Variants in COL11A1 observed in about 807,000 individuals in gnomAD.
COL11A1 encodes the protein collagen alpha-1(XI) chain.
A neutral mutation model predicts 265.2 loss-of-function variants in COL11A1; 74 were observed. The observed-to-expected ratio is 0.28, with a 90% CI of 0.23 to 0.34. COL11A1 has a LOEUF of 0.34. COL11A1 is among the 10% of genes least tolerant of loss of function. The pLI is 1.00. For missense variants in COL11A1, 2,165 were observed against 2,263.6 expected (o/e 0.96, Z 0.88); for synonymous variants, 816 against 727.6 (o/e 1.12, Z -1.96).
At chr1:103,074,354 C>A (rs530087906) in intron 4 of COL11A1, among the ~76,000 whole-genome samples, 1 of 152,130 alleles carries the variant, frequency 6.6e-6, no homozygotes, top group Admixed American at 6.6e-5. Context: ...GCCGTTTGTC[C>A]TTCCCAGGAG....
intron 41 of COL11A1, among the ~76,000 whole-genome samples, chr1:102,950,970 A>G (rs1167802167): frequency 6.6e-6 from 1 of 152,104 alleles, no homozygotes; most frequent in East Asian, 1.9e-4. Flanking sequence ...CTTCCTGCTT[A>G]CTTGTGAAGA....
chr1:102,948,791 C>A (rs904037928), intron 41 of COL11A1, among the ~76,000 whole-genome samples: 3 of 151,630 alleles, frequency 2.0e-5, no homozygotes, highest in African/African-American at 7.3e-5. Flanking sequence ...ATAAAATAGT[C>A]AACCACAAGT....
chr1:102,881,655 T>G, intron 65 of COL11A1, 42 bp downstream of exon 65: 2 of 1,449,320 alleles, frequency 1.4e-6, no homozygotes, highest in Non-Finnish European at 1.9e-6. Flanking sequence ...TGTCACTTCT[T>G]GAGTTCGTGA....
chr1:103,097,012 A>G (rs1394614365), intron 1 of COL11A1, among the ~76,000 whole-genome samples: 2 of 152,028 alleles, frequency 1.3e-5, no homozygotes, highest in Non-Finnish European at 2.9e-5. Context: ...TGTGACTTAA[A>G]TGTACTAATT....
chr1:102,914,624 A>C, intron 51 of COL11A1, 80 bp downstream of exon 51: 3 of 1,131,808 alleles, frequency 2.7e-6, no homozygotes, highest in Non-Finnish European at 3.9e-6. Flanking sequence ...CCAGAGTCTC[A>C]GGATTTCAAA....
At chr1:102,937,958 C>T (rs1658321700) in intron 44 of COL11A1, among the ~76,000 whole-genome samples, 1 of 152,220 alleles carries the variant, frequency 6.6e-6, no homozygotes, top group Non-Finnish European at 1.5e-5. Flanking sequence ...AATTTTACAG[C>T]ATGGATCTGG....
intron 49 of COL11A1, among the ~76,000 whole-genome samples, chr1:102,917,528 G>T (rs1204791973): frequency 2.6e-5 from 4 of 151,832 alleles, no homozygotes; most frequent in African/African-American, 9.7e-5. Flanking sequence ...CACAGCAAAA[G>T]AAATAACCAA....
intron 4 of COL11A1, among the ~76,000 whole-genome samples, chr1:103,053,560 A>C (rs1669998688): frequency 5.9e-5 from 9 of 152,168 alleles, no homozygotes; most frequent in Admixed American, 5.9e-4. Flanking sequence ...TTGACAGACA[A>C]ATTCAGTGTG....
At chr1:103,034,495 G>A (rs181747446) in intron 4 of COL11A1, among the ~76,000 whole-genome samples, 1 of 151,836 alleles carries the variant, frequency 6.6e-6, no homozygotes, top group African/African-American at 2.4e-5. Flanking sequence ...ATTTTTCATT[G>A]TATGTTATAC....
chr1:102,981,009 G>A (rs1662982381), intron 31 of COL11A1, among the ~76,000 whole-genome samples: 1 of 152,128 alleles, frequency 6.6e-6, no homozygotes, highest in South Asian at 2.1e-4. Flanking sequence ...CACTTATCAG[G>A]AAGGTAAGAT....
chr1:102,913,418 C>T (rs941378202), intron 53 of COL11A1, among the ~76,000 whole-genome samples: 12 of 152,038 alleles, frequency 7.9e-5, no homozygotes, highest in Non-Finnish European at 1.3e-4. Context: ...TATGATTACA[C>T]TTTTCATTAT....
intron 65 of COL11A1, among the ~76,000 whole-genome samples, chr1:102,880,696 A>T (rs2616000): frequency 0.044 from 6,697 of 152,172 alleles, 235 homozygotes; most frequent in African/African-American, 0.088. Flanking sequence ...TTTGAAAAAA[A>T]AAAGGTTAAG....
intron 7 of COL11A1, among the ~76,000 whole-genome samples, chr1:103,024,666 T>A (rs531686159): frequency 2.4e-4 from 37 of 152,304 alleles, no homozygotes; most frequent in Non-Finnish European, 4.9e-4. Flanking sequence ...ATACTCATTT[T>A]TTTTGAAAAT....
intron 37 of COL11A1, among the ~76,000 whole-genome samples, chr1:102,967,897 A>C (rs543890880): frequency 6.6e-6 from 1 of 152,262 alleles, no homozygotes; most frequent in African/African-American, 2.4e-5. Context: ...ACTTAATTGC[A>C]GAAAGTCTCG....
intron 4 of COL11A1, among the ~76,000 whole-genome samples, chr1:103,064,648 G>A (rs963749434): frequency 1.4e-5 from 2 of 142,532 alleles, no homozygotes; most frequent in African/African-American, 5.2e-5. Context: ...CCTAGGTTGC[G>A]CCACTGCACT....
At chr1:102,954,382 C>T (rs12743365) in intron 41 of COL11A1, among the ~76,000 whole-genome samples, 20,525 of 152,120 alleles carry the variant, frequency 0.13, 1,520 homozygotes, top group Middle Eastern at 0.19. Flanking sequence ...GTTTCATATT[C>T]TGAGGAGCAT....
At chr1:102,921,092 T>C (rs530686672) in intron 48 of COL11A1, among the ~76,000 whole-genome samples, 153 of 152,262 alleles carry the variant, frequency 1.0e-3, no homozygotes, top group African/African-American at 3.4e-3. Flanking sequence ...TGATAAAGGG[T>C]GCACCTATCA....
chr1:102,943,465 A>G (rs2101353576), intron 42 of COL11A1, among the ~76,000 whole-genome samples: 1 of 148,384 alleles, frequency 6.7e-6, no homozygotes, highest in East Asian at 1.9e-4. Context: ...ACACACACAC[A>G]CACACACACA....
At chr1:103,074,062 T>C (rs897851004) in intron 4 of COL11A1, among the ~76,000 whole-genome samples, 1 of 152,084 alleles carries the variant, frequency 6.6e-6, no homozygotes, top group Non-Finnish European at 1.5e-5. Context: ...AGTTGTCATA[T>C]CCAATGATTG....
Sources: gnomAD v4.1 joint callset for allele counts (sites outside exome capture counted in the v4.1 genomes callset) on GRCh38, gnomAD v4.1.1 for gene constraint, MANE v1.5 for transcripts, NCBI Gene and HGNC (gene_info 2026-07-23, HGNC 2026-07-21) for gene names.